The following TRERF1 variants were observed in gnomAD, a reference collection of about 807,000 sequenced individuals.
TRERF1 encodes transcriptional regulating factor 1.
In TRERF1, 27 loss-of-function variants were observed where a neutral mutation model predicts 122.9. That is an observed-to-expected ratio of 0.22 (90% confidence interval 0.16 to 0.30). The LOEUF is 0.30. TRERF1 is among the 10% of genes least tolerant of loss of function. The probability of loss-of-function intolerance (pLI) is 1.00; values close to 1 mark genes in which losing one functional copy is unlikely to be tolerated. For synonymous variants in TRERF1, 636 were observed against 641.7 expected, an observed-to-expected ratio of 0.99 and a Z score of 0.13; for missense variants, 1,248 against 1,560.3, an observed-to-expected ratio of 0.80 and a Z score of 3.37.
chr6:42,411,046 T>A (rs1237231827), intron 2 of TRERF1, among the ~76,000 whole-genome samples: 1 of 152,022 alleles, frequency 6.6e-6, no homozygotes, highest in Admixed American at 6.5e-5. Flanking sequence ...AGAACAAAAT[T>A]ATGAATAGTC....
In TRERF1 at chr6:42,263,745, G is replaced by T. The variant is rs1194673257; in HGVS notation, c.1636-177C>A. ...GGCTGGAGTGATGCCAGCTGATGGT[G>T]GAAGAGGCTGGACTCCATTTTTTAC... On this transcript the variant is annotated intron_variant, in intron 7 of 17. Coordinates refer to ENST00000372922, the Ensembl canonical transcript of TRERF1. The surrounding 1 kb of genome is among the most constrained non-coding windows in gnomAD (Gnocchi z 5.6). 1.3e-5 allele frequency among the ~76,000 whole-genome samples: 2 copies of T among 152,182 alleles called. No homozygotes were observed. Among genetic ancestry groups the T allele is most frequent in the African/African-American group, 4.8e-5 (2 of 41,420 alleles).
chr6:42,377,254 T>C (rs1321725423), intron 2 of TRERF1, among the ~76,000 whole-genome samples: 1 of 152,224 alleles, frequency 6.6e-6, no homozygotes, highest in Non-Finnish European at 1.5e-5. Context: ...CACAAGGTGG[T>C]ACAACTACTA....
At chr6:42,321,159 A>G (rs984798224) in intron 3 of TRERF1, among the ~76,000 whole-genome samples, 15 of 152,130 alleles carry the variant, frequency 9.9e-5, no homozygotes, top group African/African-American at 3.6e-4. Context: ...AGCCAAAAAA[A>G]AAAAAAAAGG....
intron 3 of TRERF1, among the ~76,000 whole-genome samples, chr6:42,330,521 TATC>T (rs770781257): frequency 5.2e-5 from 8 of 152,382 alleles, no homozygotes; most frequent in Non-Finnish European, 1.0e-4. Flanking sequence ...GCAAATTAGT[TATC>T]ATATTTATAA....
At chr6:42,374,075 G>A (rs1325626574) in intron 2 of TRERF1, among the ~76,000 whole-genome samples, 2 of 151,682 alleles carry the variant, frequency 1.3e-5, no homozygotes, top group Admixed American at 1.3e-4. Context: ...GGAGGTTGCA[G>A]TGAGCCGAGA....
chr6:42,325,246 C>A (rs1764093478), intron 3 of TRERF1, among the ~76,000 whole-genome samples: 1 of 152,026 alleles, frequency 6.6e-6, no homozygotes, highest in Non-Finnish European at 1.5e-5. Flanking sequence ...ATTAAAAAGT[C>A]AAAAAATAAC....
intron 2 of TRERF1, among the ~76,000 whole-genome samples, chr6:42,411,582 A>C (rs75024540): frequency 0.016 from 2,418 of 152,342 alleles, 88 homozygotes; most frequent in East Asian, 0.15. Flanking sequence ...CTGAGCCCAG[A>C]ATCCTAGCCA....
chr6:42,313,883 G>A (rs1043742352), intron 3 of TRERF1, among the ~76,000 whole-genome samples: 3 of 152,138 alleles, frequency 2.0e-5, no homozygotes, highest in Admixed American at 6.5e-5. Flanking sequence ...TGCCTTCTGA[G>A]AGCCATGGTC....
intron 2 of TRERF1, among the ~76,000 whole-genome samples, chr6:42,438,133 G>T (rs1320588109): frequency 6.6e-6 from 1 of 151,438 alleles, no homozygotes; most frequent in Non-Finnish European, 1.5e-5. Flanking sequence ...TGTTGGCCAG[G>T]CTGGTCTCGA....
At chr6:42,437,604 T>C (rs1470725341) in intron 2 of TRERF1, among the ~76,000 whole-genome samples, 2 of 152,170 alleles carry the variant, frequency 1.3e-5, no homozygotes, top group Non-Finnish European at 2.9e-5. Flanking sequence ...CATATTATCA[T>C]AGTCATATTT....
chr6:42,413,613 A>G (rs1482544598), intron 2 of TRERF1, among the ~76,000 whole-genome samples: 1 of 151,890 alleles, frequency 6.6e-6, no homozygotes, highest in Non-Finnish European at 1.5e-5. Context: ...TATTTTTAGT[A>G]GAGATGGGGT....
In TRERF1 at chr6:42,243,381, A is replaced by T; in HGVS notation, c.2746-20T>A. The T allele has an allele frequency of 6.4e-7, 1 of 1,561,902 alleles. No homozygotes were observed. The highest frequency in any genetic ancestry group is 2.2e-5 in the East Asian group (1 of 44,584). On this transcript the variant is annotated intron_variant, in intron 14 of 17. Coordinates refer to ENST00000372922, the Ensembl canonical transcript of TRERF1. The stretch of plus-strand genomic sequence containing the variant: ...CTTCACCTGCCGGGAAAGCGAACTC[A>T]AGGTTAGCTCCAGCAATGGGCAGAG...
chr6:42,302,323 T>C (rs1445916298), intron 3 of TRERF1, among the ~76,000 whole-genome samples: 1 of 152,234 alleles, frequency 6.6e-6, no homozygotes, highest in Non-Finnish European at 1.5e-5. Context: ...TCCTTAATAC[T>C]TGAGGGAGGC....
chr6:42,350,958 G>A (rs1769312154), intron 3 of TRERF1, among the ~76,000 whole-genome samples: 1 of 151,696 alleles, frequency 6.6e-6, no homozygotes, highest in Admixed American at 6.6e-5. Flanking sequence ...ACCCAAAGAG[G>A]CAATTCTCTC....
At chr6:42,356,599 A>G (rs1770596014) in intron 3 of TRERF1, among the ~76,000 whole-genome samples, 1 of 152,158 alleles carries the variant, frequency 6.6e-6, no homozygotes, top group East Asian at 1.9e-4. Context: ...TTTAAGATGG[A>G]GTCTTGCTCT....
At chr6:42,255,695 C>T (rs1237162957) in intron 12 of TRERF1, among the ~76,000 whole-genome samples, 1 of 152,162 alleles carries the variant, frequency 6.6e-6, no homozygotes, top group African/African-American at 2.4e-5. Context: ...CTCCAGCATT[C>T]TAGGAAATAC....
chr6:42,284,759 A>G (rs1782890389), intron 4 of TRERF1, among the ~76,000 whole-genome samples: 1 of 152,118 alleles, frequency 6.6e-6, no homozygotes, highest in Non-Finnish European at 1.5e-5. Context: ...CCTGCGTGTG[A>G]GTGTGACTTG....
At chr6:42,403,823 T>C (rs771876610) in intron 2 of TRERF1, among the ~76,000 whole-genome samples, 2 of 152,218 alleles carry the variant, frequency 1.3e-5, no homozygotes, top group Non-Finnish European at 2.9e-5. Context: ...TCTCCAGTCC[T>C]AGAGCTGTTA....
At chr6:42,421,189 G>A (rs192438751) in intron 2 of TRERF1, among the ~76,000 whole-genome samples, 1 of 152,294 alleles carries the variant, frequency 6.6e-6, no homozygotes, top group African/African-American at 2.4e-5. Context: ...TGTATAGAGC[G>A]CACTTGGCAA....
Sources: gnomAD v4.1 joint callset for allele counts (sites outside exome capture counted in the v4.1 genomes callset) on GRCh38, gnomAD v4.1.1 for gene constraint, Gnocchi (gnomAD v3.1) non-coding constraint, MANE v1.5 for transcripts, NCBI Gene and HGNC (gene_info 2026-07-23, HGNC 2026-07-21) for gene names.